The following RHBDD1 variants were observed in gnomAD, a reference collection of about 807,000 sequenced individuals.
The protein encoded by RHBDD1 is rhomboid-related protein 4.
A neutral mutation model predicts 36.3 loss-of-function variants in RHBDD1; 38 were observed. That is an observed-to-expected ratio of 1.05 (90% CI 0.81 to 1.37). The LOEUF (loss-of-function observed/expected upper bound fraction) is 1.37, where lower values mean the gene tolerates loss of function less well. Ranked by LOEUF, RHBDD1 falls within the 40% of genes most tolerant of loss-of-function variation. RHBDD1 has a pLI of 0.00. For synonymous variants in RHBDD1, 151 were observed against 136.5 expected (o/e 1.11, Z -0.74); for missense variants, 393 against 377.6 (o/e 1.04, Z -0.34).
chr2:226,865,526 A>G (rs896847968), intron 4 of RHBDD1, among the ~76,000 whole-genome samples: 2 of 152,160 alleles, frequency 1.3e-5, no homozygotes. Context: ...GAGACAGAGC[A>G]CACTCATCTG....
At chr2:226,812,042 G>A in the RHBDD1 span, among the ~76,000 whole-genome samples, 2 of 152,194 alleles carry the variant, frequency 1.3e-5, no homozygotes, top group Non-Finnish European at 2.9e-5. Flanking sequence ...ATCCTCTCAA[G>A]AATTATCCCC....
Position 226,864,846 on chromosome 2 carries a change from C to T in RHBDD1, c.153C>T (p.Ser51=), listed in dbSNP as rs927012995. ...FFLNPQKPLY[S]SCLSVEKCYQ... ...TGAACCCTCAGAAGCCACTGTATAGCTCCTGCCTTAGTGTGGAGAAGTGTT... is the reference window on the plus strand; with the variant it reads ...TGAACCCTCAGAAGCCACTGTATAGTTCCTGCCTTAGTGTGGAGAAGTGTT... Residue 51 remains serine (S), a synonymous_variant, in exon 4 of 9, where the codon AGC becomes AGT. Coordinates refer to ENST00000392062, the MANE Select transcript of RHBDD1 (RefSeq NM_001167608.3). 1 of 1,614,224 alleles carries T rather than the reference C, an allele frequency of 6.2e-7. No individual in the cohort carries two copies. The highest frequency in any genetic ancestry group is 8.5e-7 in the Non-Finnish European group (1 of 1,180,042).
intron 8 of RHBDD1, among the ~76,000 whole-genome samples, chr2:226,951,622 A>G (rs1951432476): frequency 6.6e-6 from 1 of 152,224 alleles, no homozygotes; most frequent in African/African-American, 2.4e-5. Context: ...AGGCCAGGGA[A>G]TATGAAATCC....
At chr2:226,942,023 G>T (rs1450018298) in intron 8 of RHBDD1, among the ~76,000 whole-genome samples, 5 of 152,044 alleles carry the variant, frequency 3.3e-5, no homozygotes, top group Admixed American at 6.6e-5. Context: ...CAGATTAGAG[G>T]GCCAGATGTC....
chr2:226,900,908 A>C (rs1244456235), intron 5 of RHBDD1, among the ~76,000 whole-genome samples: 1 of 152,142 alleles, frequency 6.6e-6, no homozygotes, highest in Non-Finnish European at 1.5e-5. Context: ...TCTCCTAGTA[A>C]ATTTCAAGTG....
At chr2:226,894,897 G>A (rs908753860) in intron 5 of RHBDD1, among the ~76,000 whole-genome samples, 1 of 152,190 alleles carries the variant, frequency 6.6e-6, no homozygotes, top group Non-Finnish European at 1.5e-5. Context: ...CTGAGGGAGT[G>A]TGGTCACACT....
At chr2:226,981,444 A>G (rs1468579803) in intron 8 of RHBDD1, among the ~76,000 whole-genome samples, 1 of 152,078 alleles carries the variant, frequency 6.6e-6, no homozygotes, top group African/African-American at 2.4e-5. Flanking sequence ...TCAAAAAAAA[A>G]AAAAAGATGT....
intron 8 of RHBDD1, among the ~76,000 whole-genome samples, chr2:226,924,090 G>A (rs188831679): frequency 4.6e-5 from 7 of 152,056 alleles, no homozygotes; most frequent in African/African-American, 1.7e-4. Context: ...TCTCCCCAAA[G>A]CCACCATATT....
At chr2:226,915,910 C>T (rs1948870546) in intron 8 of RHBDD1, among the ~76,000 whole-genome samples, 1 of 152,128 alleles carries the variant, frequency 6.6e-6, no homozygotes, top group Non-Finnish European at 1.5e-5. Context: ...AGCAGCTGGG[C>T]TGGGCTTAGC....
chr2:226,983,239 C>T (rs1956180434), intron 8 of RHBDD1, among the ~76,000 whole-genome samples: 1 of 152,078 alleles, frequency 6.6e-6, no homozygotes, highest in African/African-American at 2.4e-5. Flanking sequence ...TCCATTAGAA[C>T]CCTAGAATCT....
intron 6 of RHBDD1, among the ~76,000 whole-genome samples, chr2:226,908,000 A>G (rs965395012): frequency 2.0e-5 from 3 of 152,152 alleles, no homozygotes; most frequent in African/African-American, 7.2e-5. Context: ...ACATGTTATG[A>G]AATTTAAGCA....
intron 5 of RHBDD1, among the ~76,000 whole-genome samples, chr2:226,883,779 G>A (rs913264640): frequency 6.6e-6 from 1 of 152,172 alleles, no homozygotes; most frequent in Non-Finnish European, 1.5e-5. Flanking sequence ...TAAAGAAAAG[G>A]CCTATGTCAT....
intron 5 of RHBDD1, among the ~76,000 whole-genome samples, chr2:226,891,719 G>A (rs1375462450): frequency 6.6e-6 from 1 of 152,148 alleles, no homozygotes; most frequent in Non-Finnish European, 1.5e-5. Context: ...ATTCTTGGTT[G>A]GAAACCCTAG....
At chr2:226,947,233 T>G (rs2149194673) in intron 8 of RHBDD1, among the ~76,000 whole-genome samples, 1 of 151,788 alleles carries the variant, frequency 6.6e-6, no homozygotes, top group African/African-American at 2.4e-5. Context: ...TTTATGGTTT[T>G]AGGTCTAACG....
chr2:226,836,910 C>A (rs1241588618), intron 1 of RHBDD1, among the ~76,000 whole-genome samples: 2 of 152,170 alleles, frequency 1.3e-5, no homozygotes, highest in East Asian at 3.8e-4. Context: ...AGTATTCTTT[C>A]AAAGAAGAAT....
chr2:226,838,884 C>T (rs1941303875), intron 2 of RHBDD1, among the ~76,000 whole-genome samples: 1 of 152,142 alleles, frequency 6.6e-6, no homozygotes, highest in East Asian at 1.9e-4. Context: ...ATGTTTACAG[C>T]AAGGTAAACA....
chr2:226,897,935 C>T lies in RHBDD1; in HGVS notation c.567-8858C>T, dbSNP rs187779446. Among the ~76,000 whole-genome samples the T allele has an allele frequency of 2.0e-4, 31 of 152,164 alleles. No individual in the cohort carries two copies. In the East Asian group the frequency reaches 4.1e-3, roughly 20 times the overall value. On this transcript the variant is annotated intron_variant, in intron 5 of 8. Transcript: ENST00000392062. Reference sequence around the variant, plus strand: ...TAGAGGTTGCAATGAGCCGAGATTGCGCCATTGTACTCCAGCCTAGGCAAC... The same window carrying T: ...TAGAGGTTGCAATGAGCCGAGATTGTGCCATTGTACTCCAGCCTAGGCAAC...
rs540209800 is a variant in RHBDD1, at chr2:226,973,893, C to T, written c.857-21538C>T. Among the ~76,000 whole-genome samples the T allele has an allele frequency of 1.5e-4, 23 of 152,360 alleles. No homozygotes were observed. The South Asian group carries it at 4.6e-3, about 30-fold the overall frequency. On this transcript the variant is annotated intron_variant, in intron 8 of 8. Transcript: ENST00000392062. Reference sequence around the variant, plus strand: ...ATTGTGATTCTGCCTGTTCATCCTCCTGGCTGCCCACCCCTGAGAATCTCC... The same window carrying T: ...ATTGTGATTCTGCCTGTTCATCCTCTTGGCTGCCCACCCCTGAGAATCTCC...
intron 3 of RHBDD1, among the ~76,000 whole-genome samples, chr2:226,840,865 G>A (rs1941535589): frequency 6.6e-6 from 1 of 151,424 alleles, no homozygotes; most frequent in Non-Finnish European, 1.5e-5. Context: ...GTGTGTTTTG[G>A]CAACTACATA....
Sources: gnomAD v4.1 joint callset for allele counts (sites outside exome capture counted in the v4.1 genomes callset) on GRCh38, gnomAD v4.1.1 for gene constraint, MANE v1.5 for transcripts, NCBI Gene and HGNC (gene_info 2026-07-23, HGNC 2026-07-21) for gene names.